The following PCDH15 variants were observed in gnomAD, a reference collection of about 807,000 sequenced individuals.
The protein encoded by PCDH15 is protocadherin-15.
A neutral mutation model predicts 178.5 loss-of-function variants in PCDH15; 129 were observed. The observed-to-expected ratio is 0.72, with a 90% CI of 0.63 to 0.84. PCDH15 has a LOEUF of 0.84. Ranked by LOEUF, PCDH15 falls within the 40% of genes least tolerant of loss-of-function variation. PCDH15 has a pLI of 0.00. For synonymous variants in PCDH15, 800 were observed against 732.0 expected (o/e 1.09, Z -1.50); for missense variants, 2,230 against 2,099.9 (o/e 1.06, Z -1.21).
At chr10:54,078,251 A>G (rs1215468714) in intron 17 of PCDH15, among the ~76,000 whole-genome samples, 1 of 152,118 alleles carries the variant, frequency 6.6e-6, no homozygotes, top group Non-Finnish European at 1.5e-5. Flanking sequence ...TACTATGGAC[A>G]GACTGCAATT....
At chr10:54,099,423 C>G (rs180898891) in intron 15 of PCDH15, among the ~76,000 whole-genome samples, 1 of 141,586 alleles carries the variant, frequency 7.1e-6, no homozygotes, top group Non-Finnish European at 1.5e-5. Context: ...TGTATGAACC[C>G]AGGAGGAGGA....
chr10:54,769,385 G>T (rs1332414352), intron 1 of PCDH15, among the ~76,000 whole-genome samples: 6 of 140,082 alleles, frequency 4.3e-5, no homozygotes, highest in Non-Finnish European at 6.2e-5. Context: ...AATTAAATTT[G>T]TTAAGTGAAA....
intron 29 of PCDH15, among the ~76,000 whole-genome samples, chr10:53,833,675 TATA>T (rs767664706): frequency 6.6e-6 from 1 of 152,104 alleles, no homozygotes; most frequent in African/African-American, 2.4e-5. Context: ...TTGCCTGTAA[TATA>T]ATAAACTCTT....
intron 1 of PCDH15, among the ~76,000 whole-genome samples, chr10:54,729,118 C>T (rs1330926464): frequency 6.6e-6 from 1 of 151,566 alleles, no homozygotes; most frequent in Admixed American, 6.6e-5. Context: ...CCAAAGCAAT[C>T]CTAAACAAAA....
chr10:54,066,945 A>C, intron 17 of PCDH15, 60 bp from the exon 18 acceptor site: 1 of 1,543,064 alleles, frequency 6.5e-7, no homozygotes, highest in South Asian at 1.1e-5. Context: ...GAATTCATTT[A>C]AGTAGTCATT....
At chr10:53,870,258 G>A (rs1039407043) in intron 26 of PCDH15, among the ~76,000 whole-genome samples, 1 of 152,080 alleles carries the variant, frequency 6.6e-6, no homozygotes, top group Non-Finnish European at 1.5e-5. Context: ...ATCACTTAAT[G>A]CAAAAGTTTG....
intron 2 of PCDH15, among the ~76,000 whole-genome samples, chr10:55,009,089 T>C (rs1000745658): frequency 6.6e-6 from 1 of 152,140 alleles, no homozygotes; most frequent in Non-Finnish European, 1.5e-5. Context: ...CACTCAGAAC[T>C]ACACATAAAA....
chr10:54,929,778 C>T (rs939238230), intron 2 of PCDH15, among the ~76,000 whole-genome samples: 3 of 152,174 alleles, frequency 2.0e-5, no homozygotes, highest in Non-Finnish European at 4.4e-5. Context: ...CACATAGCAA[C>T]AATCAGCTGG....
At chr10:55,527,977 C>T (rs183396139) in intron 2 of PCDH15, among the ~76,000 whole-genome samples, 93 of 152,046 alleles carry the variant, frequency 6.1e-4, no homozygotes, top group African/African-American at 2.2e-3. Flanking sequence ...GAAGAGAAAG[C>T]AAGCTACACT....
At chr10:55,069,038 C>G (rs111579202) in intron 2 of PCDH15, among the ~76,000 whole-genome samples, 1 of 150,024 alleles carries the variant, frequency 6.7e-6, no homozygotes, top group Non-Finnish European at 1.5e-5. Flanking sequence ...GCTGGGATTA[C>G]AGGTATGTTC....
chr10:54,102,434 C>T (rs180890309), intron 15 of PCDH15, among the ~76,000 whole-genome samples: 39 of 152,278 alleles, frequency 2.6e-4, no homozygotes, highest in African/African-American at 8.2e-4. Context: ...ACATCTGGTA[C>T]GGAAGCTGCA....
At position 54,284,108 on chromosome 10, in the gene PCDH15, TAC is replaced by T. The variant is rs536324055; in HGVS notation, c.876+33161_876+33162del. Among the ~76,000 whole-genome samples the T allele has an allele frequency of 6.6e-5, 10 of 152,296 alleles. No individual in the cohort carries two copies. In the East Asian group the frequency reaches 1.5e-3, roughly 24 times the overall value. On this transcript the variant is annotated intron_variant, in intron 8 of 37. Coordinates refer to ENST00000644397, the MANE Select transcript of PCDH15 (RefSeq NM_001384140.1). ...TCTCGGCCTCCCTAAGTGCTGGAATTACAGTCATGAGCCATGGTGCCCGGCCT... is the reference window on the plus strand; with the variant it reads ...TCTCGGCCTCCCTAAGTGCTGGAATTAGTCATGAGCCATGGTGCCCGGCCT...
intron 3 of PCDH15, among the ~76,000 whole-genome samples, chr10:54,416,254 G>A (rs61853565): frequency 0.056 from 8,466 of 152,016 alleles, 320 homozygotes; most frequent in Admixed American, 0.12. Context: ...CTATTGACCC[G>A]TCCTTTAAGT....
chr10:55,423,095 C>T (rs1403749676), intron 2 of PCDH15, among the ~76,000 whole-genome samples: 1 of 151,636 alleles, frequency 6.6e-6, no homozygotes, highest in African/African-American at 2.4e-5. Flanking sequence ...AAATGTGATC[C>T]CTAAAAGAAG....
intron 3 of PCDH15, among the ~76,000 whole-genome samples, chr10:54,884,480 G>GGTCTGTGTGT (rs113682237): frequency 6.7e-6 from 1 of 148,622 alleles, no homozygotes; most frequent in African/African-American, 2.5e-5. Flanking sequence ...TACTAAGATA[G>GGTCTGTGTGT]GTGTGTGTGT....
At chr10:54,079,522 C>T in intron 16 of PCDH15, 98 bp from the exon 17 acceptor site, 1 of 1,067,442 alleles carries the variant, frequency 9.4e-7, no homozygotes, top group African/African-American at 1.6e-5. Context: ...AGCTTTTTTT[C>T]CCCTCTCAGT....
intron 2 of PCDH15, among the ~76,000 whole-genome samples, chr10:55,132,228 T>C (rs1838070938): frequency 6.6e-6 from 1 of 152,196 alleles, no homozygotes; most frequent in Non-Finnish European, 1.5e-5. Flanking sequence ...TTCTTATACT[T>C]ATTTGTTTGC....
At chr10:55,246,411 A>G (rs1334096774) in intron 1 of PCDH15, among the ~76,000 whole-genome samples, 1 of 152,212 alleles carries the variant, frequency 6.6e-6, no homozygotes, top group African/African-American at 2.4e-5. Flanking sequence ...AGTCTGAATT[A>G]CTTTCATTTT....
chr10:54,462,466 T>A (rs1458986798), intron 3 of PCDH15, among the ~76,000 whole-genome samples: 1 of 145,822 alleles, frequency 6.9e-6, no homozygotes, highest in Non-Finnish European at 1.5e-5. Flanking sequence ...TATTTGTTAA[T>A]CCTTTCTTTC....
Sources: gnomAD v4.1 joint callset for allele counts (sites outside exome capture counted in the v4.1 genomes callset) on GRCh38, gnomAD v4.1.1 for gene constraint, MANE v1.5 for transcripts, NCBI Gene and HGNC (gene_info 2026-07-23, HGNC 2026-07-21) for gene names.